Variants in CNBD1 observed in about 807,000 individuals in gnomAD.
CNBD1 encodes cyclic nucleotide binding domain containing 1.
A neutral mutation model predicts 54.4 loss-of-function variants in CNBD1; 71 were observed. The ratio of observed to expected loss-of-function variants is 1.30; its 90% CI spans 1.08 to 1.59. CNBD1 has a LOEUF of 1.59. Ranked by LOEUF, CNBD1 falls within the 40% of genes most tolerant of loss-of-function variation. The probability of loss-of-function intolerance (pLI) is 0.00; values close to 1 mark genes in which losing one functional copy is unlikely to be tolerated. For synonymous variants in CNBD1, 182 were observed against 170.7 expected, an observed-to-expected ratio of 1.07 and a Z score of -0.51; for missense variants, 659 against 518.0, an observed-to-expected ratio of 1.27 and a Z score of -2.64.
intron 10 of CNBD1, among the ~76,000 whole-genome samples, chr8:87,369,632 T>C (rs1810718554): frequency 6.6e-6 from 1 of 151,942 alleles, no homozygotes; most frequent in African/African-American, 2.4e-5. Context: ...TTATTCCTCC[T>C]TCTTCTGGCC....
intron 2 of CNBD1, among the ~76,000 whole-genome samples, chr8:87,390,332 T>A (rs551386950): frequency 5.3e-5 from 8 of 151,948 alleles, no homozygotes; most frequent in African/African-American, 9.7e-5. Flanking sequence ...TGGGAAAAAA[T>A]TTTTGCAATC....
At chr8:87,271,394 TATCTC>T (rs1808359943) in intron 6 of CNBD1, among the ~76,000 whole-genome samples, 1 of 152,002 alleles carries the variant, frequency 6.6e-6, no homozygotes, top group South Asian at 2.1e-4. Context: ...TCTATGAACT[TATCTC>T]TTAATACTGC....
At chr8:87,426,063 T>C (rs1366915466) in intron 2 of CNBD1, among the ~76,000 whole-genome samples, 1 of 152,194 alleles carries the variant, frequency 6.6e-6, no homozygotes, top group Non-Finnish European at 1.5e-5. Context: ...AGTATTTGGG[T>C]GGGAGTGAAC....
chr8:87,286,911 C>T (rs1808710697), intron 8 of CNBD1, among the ~76,000 whole-genome samples: 1 of 152,066 alleles, frequency 6.6e-6, no homozygotes, highest in African/African-American at 2.4e-5. Flanking sequence ...CTCTCTACTC[C>T]CTTTAACTGT....
At chr8:87,367,607 C>T (rs1044914456) in intron 10 of CNBD1, among the ~76,000 whole-genome samples, 1 of 152,078 alleles carries the variant, frequency 6.6e-6, no homozygotes, top group African/African-American at 2.4e-5. Context: ...TTTTAATTAC[C>T]TTGAAGTATT....
chr8:87,030,928 GC>G (rs1217215754), intron 4 of CNBD1, among the ~76,000 whole-genome samples: 3 of 82,940 alleles, frequency 3.6e-5, no homozygotes, highest in Non-Finnish European at 4.5e-5. Flanking sequence ...CCCTCCTCCT[GC>G]CCCCCTTCCC....
At chr8:86,901,638 G>A (rs910812141) in intron 2 of CNBD1, among the ~76,000 whole-genome samples, 1 of 152,078 alleles carries the variant, frequency 6.6e-6, no homozygotes, top group African/African-American at 2.4e-5. Flanking sequence ...TTGACAGTTT[G>A]TTCTTTTAGT....
intron 2 of CNBD1, among the ~76,000 whole-genome samples, chr8:87,416,519 G>A (rs1807835774): frequency 6.6e-6 from 1 of 152,010 alleles, no homozygotes; most frequent in Non-Finnish European, 1.5e-5. Flanking sequence ...GAAACTGGAA[G>A]TGTGACAGTC....
chr8:87,215,288 A>C (rs1486965858), intron 5 of CNBD1, among the ~76,000 whole-genome samples: 1 of 152,184 alleles, frequency 6.6e-6, no homozygotes, highest in African/African-American at 2.4e-5. Flanking sequence ...ATTCATTTGG[A>C]CATCAAGTAA....
At chr8:86,871,075 T>A (rs998959158) in intron 1 of CNBD1, among the ~76,000 whole-genome samples, 4 of 152,234 alleles carry the variant, frequency 2.6e-5, no homozygotes, top group Admixed American at 2.0e-4. Context: ...CTACTACTGT[T>A]ATAACTATTT....
chr8:87,084,392 T>C (rs995200345), intron 4 of CNBD1, among the ~76,000 whole-genome samples: 5 of 152,212 alleles, frequency 3.3e-5, no homozygotes, highest in Non-Finnish European at 7.3e-5. Flanking sequence ...TCTCTCAGCC[T>C]TTATCTGAAA....
intron 3 of CNBD1, among the ~76,000 whole-genome samples, chr8:86,929,792 G>C (rs1251141687): frequency 6.6e-6 from 1 of 152,076 alleles, no homozygotes; most frequent in Non-Finnish European, 1.5e-5. Context: ...GTATTATTTT[G>C]ATAGCCTTTG....
intron 10 of CNBD1, among the ~76,000 whole-genome samples, chr8:87,371,927 C>T (rs1213752665): frequency 6.6e-6 from 1 of 151,794 alleles, no homozygotes; most frequent in Non-Finnish European, 1.5e-5. Flanking sequence ...AAAACTGGCA[C>T]AAGACAGGGA....
At chr8:86,952,677 CTG>C (rs781180615) in intron 4 of CNBD1, among the ~76,000 whole-genome samples, 63 of 151,800 alleles carry the variant, frequency 4.2e-4, no homozygotes, top group Admixed American at 1.4e-3. Context: ...ATATTTTAAA[CTG>C]TGCAGTTTGA....
chr8:87,315,736 T>C (rs1809372643), intron 8 of CNBD1, among the ~76,000 whole-genome samples: 1 of 151,916 alleles, frequency 6.6e-6, no homozygotes, highest in South Asian at 2.1e-4. Flanking sequence ...GGAATGTAGG[T>C]TGGTTAATGG....
intron 2 of CNBD1, among the ~76,000 whole-genome samples, chr8:87,419,519 T>A (rs113873292): frequency 0.018 from 2,762 of 151,992 alleles, 84 homozygotes; most frequent in African/African-American, 0.06. Flanking sequence ...ATAGAAATTG[T>A]TCCTATGCCA....
chr8:87,077,428 T>TTTA (rs1554552466), intron 4 of CNBD1, among the ~76,000 whole-genome samples: 1 of 150,792 alleles, frequency 6.6e-6, no homozygotes, highest in Non-Finnish European at 1.5e-5. Flanking sequence ...TTTTTTTTTT[T>TTTA]TTATTATACT....
At chr8:87,350,205 A>C (rs1239281264) in intron 8 of CNBD1, among the ~76,000 whole-genome samples, 1 of 152,136 alleles carries the variant, frequency 6.6e-6, no homozygotes, top group Non-Finnish European at 1.5e-5. Context: ...AATTCTACGC[A>C]TACGTTATAC....
At chr8:87,074,343 G>A (rs897477682) in intron 4 of CNBD1, among the ~76,000 whole-genome samples, 2 of 151,816 alleles carry the variant, frequency 1.3e-5, no homozygotes. Flanking sequence ...AAGCCAGTGG[G>A]TCTTAACTTG....
Sources: gnomAD v4.1 joint callset for allele counts (sites outside exome capture counted in the v4.1 genomes callset) on GRCh38, gnomAD v4.1.1 for gene constraint, MANE v1.5 for transcripts, NCBI Gene and HGNC (gene_info 2026-07-23, HGNC 2026-07-21) for gene names.